The following CD151 variants were observed in gnomAD, a reference collection of about 807,000 sequenced individuals.
CD151 encodes CD151 antigen.
Under a neutral mutation model 34.2 loss-of-function variants are expected in CD151, and 20 were observed. The observed-to-expected ratio is 0.58, with a 90% confidence interval of 0.41 to 0.85. CD151 has a LOEUF of 0.85. Among genes scored for constraint, CD151 ranks in the 40% least tolerant of loss-of-function variants. The pLI, the probability that CD151 is intolerant of heterozygous loss-of-function variation, is 0.00. For synonymous variants in CD151, 157 were observed against 131.7 expected, an observed-to-expected ratio of 1.19 and a Z score of -1.32; for missense variants, 306 against 324.5, an observed-to-expected ratio of 0.94 and a Z score of 0.44.
In CD151 at chr11:838,493, C is replaced by T. The variant is rs907427376; in HGVS notation, c.*301C>T. On this transcript the variant is annotated 3_prime_UTR_variant, in exon 9 of 9. Transcript: ENST00000397420. The stretch of plus-strand genomic sequence containing the variant: ...TGAGTGGCGCAAGGCCGAGCGTTCC[C>T]AGCAGGGGGAGAAACCCTTCACACC... 5 of 530,520 alleles carry T rather than the reference C, an allele frequency of 9.4e-6. No individual in the cohort carries two copies. The Admixed American group carries it at 1.0e-4, about 11-fold the overall frequency. 32.9% of individuals were successfully genotyped at this position (530,520 alleles called of 1,614,324 possible). A position where few individuals can be genotyped will look rare whatever the true frequency, so the allele number is the denominator to read the frequency against.
rs76638476 is a variant in CD151 at position 837,059 on chromosome 11, C to T, written c.352-191C>T. On this transcript the variant is annotated intron_variant, in intron 5 of 8. Transcript: ENST00000397420. Reference sequence around the variant, plus strand: ...ATCCAGAAGCTCTCTCTGCCTCTGCCGCACTTCATTGTCACCCTGGTGACG... The same window carrying T: ...ATCCAGAAGCTCTCTCTGCCTCTGCTGCACTTCATTGTCACCCTGGTGACG... 881 of 656,900 alleles carry T rather than the reference C, an allele frequency of 1.3e-3. 12 individuals carry two copies. In the East Asian group the frequency reaches 0.019, roughly 14 times the overall value. The allele number at this position is 656,900 out of a possible 1,614,324, so 40.7% of individuals were successfully genotyped here.
chr11:838,352 A>C lies in CD151; in HGVS notation c.*160A>C. On this transcript the variant is annotated 3_prime_UTR_variant, in exon 9 of 9. Coordinates refer to ENST00000397420, the MANE Select transcript of CD151 (RefSeq NM_004357.5). ...TTCAAGTGCCTTTTGCTGCGCACCA[A>C]TGCCCAGCAGGGGAGGTGAGGGGGG... The C allele has an allele frequency of 3.6e-5, 19 of 526,806 alleles. No homozygotes were observed. Among genetic ancestry groups the C allele is most frequent in the Non-Finnish European group, 4.8e-5 (14 of 291,278 alleles). 32.6% of individuals were successfully genotyped at this position (526,806 alleles called of 1,614,324 possible). A position where few individuals can be genotyped will look rare whatever the true frequency, so the allele number is the denominator to read the frequency against.
At position 837,378 on chromosome 11, in the gene CD151, C is replaced by A. The variant is rs111473261; in HGVS notation, c.456+24C>A. On this transcript the variant is annotated intron_variant, in intron 6 of 8. Transcript: ENST00000397420. ...AGGTGGGTGGGTGGTGCTGGGAGGGCGCGTGCATCCCCAGGGCCTCCCTGG... is the reference window on the plus strand; with the variant it reads ...AGGTGGGTGGGTGGTGCTGGGAGGGAGCGTGCATCCCCAGGGCCTCCCTGG... The A allele has an allele frequency of 1.0e-4, 165 of 1,607,972 alleles. 1 individual carries two copies. The highest frequency in any genetic ancestry group is 5.2e-4 in the South Asian group (47 of 90,950).
At chr11:836,984 G>T in intron 5 of CD151, 141 bp downstream of exon 5, 1 of 763,608 alleles carries the variant, frequency 1.3e-6, no homozygotes, top group South Asian at 1.6e-5. Context: ...CCCTGGAGAT[G>T]GGGTCTAGGT....
At chr11:834,127 G>A (rs1054623415) in intron 1 of CD151, 5 of 152,194 alleles carry the variant, frequency 3.3e-5, no homozygotes, top group Non-Finnish European at 1.5e-5. Context: ...GGGAGGCCAA[G>A]GCGGGTGGAA....
chr11:836,280 C>A lies in CD151; in HGVS notation c.114C>A (p.Gly38=), dbSNP rs756548739. The A allele has an allele frequency of 6.2e-7, 1 of 1,612,040 alleles. No homozygotes were observed. The highest frequency in any genetic ancestry group is 8.5e-7 in the Non-Finnish European group (1 of 1,179,676). Residue 38 remains glycine, a synonymous_variant, in exon 4 of 9, where the codon GGC becomes GGA. Transcript: ENST00000397420. ...CTGGCCTGGCTGTCATGGCAGTGGG[C>A]ATCTGGACGCTGGCCCTCAAGAGTG... ...WLAGLAVMAV[G]IWTLALKSDY...
rs186943023 is a variant in CD151 at position 835,848 on chromosome 11, C to T, written c.-7-215C>T. The T allele has an allele frequency of 1.9e-3, 934 of 503,356 alleles. 8 individuals are homozygous for T. The highest frequency in any genetic ancestry group is 0.014 in the African/African-American group (706 of 51,600). The allele number at this position is 503,356 out of a possible 1,614,324, so 31.2% of individuals were successfully genotyped here. A position where few individuals can be genotyped will look rare whatever the true frequency, so the allele number is the denominator to read the frequency against. ...GACTACAGGCGCCCGCCACCACGCC[C>T]GGCTAATTTTTTGTATTTCTAGTAC... On this transcript the variant is annotated intron_variant, in intron 2 of 8. Transcript: ENST00000397420.
At chr11:838,085 C>G in intron 8 of CD151, 48 bp from the exon 9 acceptor site, 1 of 1,607,222 alleles carries the variant, frequency 6.2e-7, no homozygotes, top group Non-Finnish European at 8.5e-7. Flanking sequence ...AGGGCGGTGG[C>G]TGGTGGCCCC....
intron 5 of CD151, 64 bp from the exon 6 acceptor site, chr11:837,186 C>T: frequency 7.2e-7 from 1 of 1,388,010 alleles, no homozygotes; most frequent in Middle Eastern, 1.8e-4. Context: ...CATCCTGGGG[C>T]TCTGCCAGCC....
intron 1 of CD151, among the ~76,000 whole-genome samples, chr11:833,828 G>A (rs28454516): frequency 0.6 from 65,557 of 108,560 alleles, 23,308 homozygotes; most frequent in East Asian, 0.87. Flanking sequence ...CCCGCCCCCC[G>A]GTGGCAGACA....
Position 837,668 on chromosome 11 carries a change from G to T in CD151, c.615+50G>T, listed in dbSNP as rs367833559. The T allele has an allele frequency of 2.0e-5, 31 of 1,570,080 alleles. No homozygotes were observed. In the African/African-American group the frequency reaches 2.7e-4, roughly 14 times the overall value. On this transcript the variant is annotated intron_variant, in intron 7 of 8. Coordinates refer to ENST00000397420, the MANE Select transcript of CD151 (RefSeq NM_004357.5). ...TCCAGTGTCTACGAGGTGGTGGGGG[G>T]GCACCCCAGTGACTGGCTGTGGGCA...
rs766768124 is a variant in CD151, at chr11:838,189, C to G, written c.759C>G (p.Tyr253Ter). ...CLYRSLKLEHY is the reference protein window; with the variant it reads ...CLYRSLKLEH The stretch of plus-strand genomic sequence containing the variant: ...ACAGGAGTCTCAAGCTGGAGCACTA[C>G]TGACCCTGCCTTGGGCCTTGCTGCT... The change falls in exon 9 of 9, where the codon TAC (tyrosine) becomes TAG (stop). Residue 253 changes from tyrosine (Y) to a stop codon, truncating the protein, a stop_gained. Transcript: ENST00000397420. LOFTEE classifies it high-confidence loss of function. The G allele has an allele frequency of 8.7e-6, 14 of 1,612,312 alleles. No homozygotes were observed. The highest frequency in any genetic ancestry group is 1.2e-5 in the Non-Finnish European group (14 of 1,179,228).
Position 838,736 on chromosome 11 carries a change from G to A in CD151, c.*544G>A, listed in dbSNP as rs531616174. ...CACTGCCCTGTTCATGTGCCTCTGC[G>A]GGGCAGGGCCTTCCTGGTTTTGTTC... On this transcript the variant is annotated 3_prime_UTR_variant, in exon 9 of 9. Coordinates refer to ENST00000397420, the MANE Select transcript of CD151 (RefSeq NM_004357.5). 3.3e-4 allele frequency: 58 copies of A among 174,314 alleles called. No individual in the cohort carries two copies. Among genetic ancestry groups the A allele is most frequent in the South Asian group, 1.7e-3 (13 of 7,786 alleles). The allele number at this position is 174,314 out of a possible 1,614,324, so 10.8% of individuals were successfully genotyped here.
chr11:838,224 A>C lies in CD151; in HGVS notation c.*32A>C. 1 of 1,590,720 alleles carries C rather than the reference A, an allele frequency of 6.3e-7. No individual in the cohort carries two copies. Among genetic ancestry groups the C allele is most frequent in the Non-Finnish European group, 8.6e-7 (1 of 1,159,896 alleles). Reference sequence around the variant, plus strand: ...CTTGGGCCTTGCTGCTGCTGCACCCAACTACTGAGCTGAGACCACTGAGTA... The same window carrying C: ...CTTGGGCCTTGCTGCTGCTGCACCCCACTACTGAGCTGAGACCACTGAGTA... On this transcript the variant is annotated 3_prime_UTR_variant, in exon 9 of 9. Coordinates refer to ENST00000397420, the MANE Select transcript of CD151 (RefSeq NM_004357.5).
chr11:836,857 G>A lies in CD151; in HGVS notation c.351+14G>A, dbSNP rs1269166511. On this transcript the variant is annotated intron_variant, in intron 5 of 8. Coordinates refer to ENST00000397420, the MANE Select transcript of CD151 (RefSeq NM_004357.5). ...TACTACCAGCAGGTGAGGGGCCTGG[G>A]CAGGCCATTCAGAGACACAGACATG... 3 of 1,610,892 alleles carry A rather than the reference G, an allele frequency of 1.9e-6. No individual in the cohort carries two copies. The African/African-American group carries it at 4.0e-5, about 22-fold the overall frequency.
Position 836,760 on chromosome 11 carries a change from C to T in CD151, c.277-9C>T. 3 of 1,612,250 alleles carry T rather than the reference C, an allele frequency of 1.9e-6. No individual in the cohort carries two copies. The highest frequency in any genetic ancestry group is 1.7e-4 in the Middle Eastern group (1 of 6,058). ...CAGAACAAGGGTGCCCTTGTGCTGC[C>T]CCCCCCAGTACTTCATCCTGCTCCT... On this transcript the variant is annotated splice_polypyrimidine_tract_variant and intron_variant, in intron 4 of 8. Transcript: ENST00000397420.
chr11:836,633 A>G (rs536443951), intron 4 of CD151, 136 bp from the exon 5 acceptor site: 1 of 906,162 alleles, frequency 1.1e-6, no homozygotes, highest in Admixed American at 2.2e-5. Context: ...GCTCCGCAAG[A>G]AAGCTTCAGG....
chr11:836,289 G>C lies in CD151; in HGVS notation c.123G>C (p.Thr41=). 1 of 1,612,642 alleles carries C rather than the reference G, an allele frequency of 6.2e-7. No individual in the cohort carries two copies. Among genetic ancestry groups the C allele is most frequent in the Non-Finnish European group, 8.5e-7 (1 of 1,179,876 alleles). ...CTGTCATGGCAGTGGGCATCTGGAC[G>C]CTGGCCCTCAAGAGTGACTACATCA... ...GLAVMAVGIW[T]LALKSDYISL... is the part of the protein sequence containing the mutation. Residue 41 remains threonine, a synonymous_variant, in exon 4 of 9, where the codon ACG becomes ACC. Transcript: ENST00000397420.
chr11:837,394 G>T (rs1846815849), intron 6 of CD151, 40 bp downstream of exon 6: 1 of 1,610,248 alleles, frequency 6.2e-7, no homozygotes, highest in Non-Finnish European at 8.5e-7. Flanking sequence ...CATCCCCAGG[G>T]CCTCCCTGGA....
Sources: gnomAD v4.1 joint callset for allele counts (sites outside exome capture counted in the v4.1 genomes callset) on GRCh38, gnomAD v4.1.1 for gene constraint, MANE v1.5 for transcripts, NCBI Gene and HGNC (gene_info 2026-07-23, HGNC 2026-07-21) for gene names.